Variants in MARCHF7 observed in about 807,000 individuals in gnomAD.
The protein encoded by MARCHF7 is E3 ubiquitin-protein ligase MARCHF7.
In MARCHF7, 20 loss-of-function variants were observed where a neutral mutation model predicts 76.5. That is an observed-to-expected ratio of 0.26 (90% CI 0.18 to 0.38). MARCHF7 has a LOEUF of 0.38. MARCHF7 is among the 10% of genes least tolerant of loss of function. The probability of loss-of-function intolerance (pLI) is 1.00; values close to 1 mark genes in which losing one functional copy is unlikely to be tolerated. For synonymous variants in MARCHF7, 295 were observed against 293.0 expected (o/e 1.01, Z -0.07); for missense variants, 797 against 812.9 (o/e 0.98, Z 0.24).
chr2:159,734,048 T>C, intron 4 of MARCHF7: 1 of 1,359,370 alleles, frequency 7.4e-7, no homozygotes, highest in Non-Finnish European at 9.6e-7. Context: ...ATTTGAATGA[T>C]TGGCAACTAT....
rs1704775627 is a variant in MARCHF7 at position 159,745,683 on chromosome 2, C to G, written c.347-87C>G. On this transcript the variant is annotated intron_variant, in intron 5 of 11. Coordinates refer to ENST00000409175, the MANE Select transcript of MARCHF7 (RefSeq NM_001282805.2). ...ATAATAATAATAATAATAAATAACA[C>G]TAACTTTCCTCTCTATTACTGAAGA... The G allele has an allele frequency of 7.1e-6, 6 of 843,418 alleles. 1 individual carries two copies. In the South Asian group the frequency reaches 9.7e-5, roughly 14 times the overall value. The allele number at this position is 843,418 out of a possible 1,614,324, so 52.2% of individuals were successfully genotyped here. A position where few individuals can be genotyped will look rare whatever the true frequency, so the allele number is the denominator to read the frequency against.
chr2:159,718,148 T>C (rs1338582512), intron 3 of MARCHF7, among the ~76,000 whole-genome samples: 1 of 152,164 alleles, frequency 6.6e-6, no homozygotes, highest in African/African-American at 2.4e-5. Flanking sequence ...GTGAGAAAAT[T>C]AAGCATTAGA....
intron 9 of MARCHF7, among the ~76,000 whole-genome samples, chr2:159,760,161 G>A (rs2125703484): frequency 6.6e-6 from 1 of 152,142 alleles, no homozygotes; most frequent in African/African-American, 2.4e-5. Flanking sequence ...TTGTTTTATG[G>A]ATTTACTTAT....
chr2:159,750,675 CTTAA>C (rs1705531774), intron 7 of MARCHF7, among the ~76,000 whole-genome samples: 1 of 152,258 alleles, frequency 6.6e-6, no homozygotes, highest in Non-Finnish European at 1.5e-5. Flanking sequence ...CAGCCTGACT[CTTAA>C]TTTAGTCATC....
At chr2:159,731,687 G>C (rs1702811962) in intron 4 of MARCHF7, among the ~76,000 whole-genome samples, 2 of 151,704 alleles carry the variant, frequency 1.3e-5, no homozygotes, top group Admixed American at 1.3e-4. Flanking sequence ...CCTGGAGACG[G>C]AAGTTGCCAT....
intron 6 of MARCHF7, 63 bp from the exon 7 acceptor site, chr2:159,747,742 A>G: frequency 6.8e-7 from 1 of 1,478,624 alleles, no homozygotes; most frequent in East Asian, 2.3e-5. Context: ...ATTCAACATA[A>G]TAAATGCAAA....
intron 8 of MARCHF7, among the ~76,000 whole-genome samples, chr2:159,754,428 G>C (rs1706040932): frequency 6.6e-6 from 1 of 152,118 alleles, no homozygotes; most frequent in Non-Finnish European, 1.5e-5. Flanking sequence ...CTCTGGAATG[G>C]TGGGTTCCTA....
At chr2:159,751,923 C>G (rs1365791372) in intron 7 of MARCHF7, among the ~76,000 whole-genome samples, 1 of 152,010 alleles carries the variant, frequency 6.6e-6, no homozygotes, top group Non-Finnish European at 1.5e-5. Flanking sequence ...AATCTACAAG[C>G]CAGTATGTGT....
Position 159,767,356 on chromosome 2 carries a change from AGATG to A in MARCHF7, c.*19_*22del. On this transcript the variant is annotated 3_prime_UTR_variant, in exon 12 of 12. Coordinates refer to ENST00000409175, the MANE Select transcript of MARCHF7 (RefSeq NM_001282805.2). ...GATATTGCCTAACTTCATATAAGAC[AGATG>A]GATGATCTGTGAACATAAGTGTTTA... The A allele has an allele frequency of 6.3e-7, 1 of 1,590,728 alleles. No individual in the cohort carries two copies. The highest frequency in any genetic ancestry group is 8.6e-7 in the Non-Finnish European group (1 of 1,159,830).
At chr2:159,716,231 C>T (rs377050708) in intron 3 of MARCHF7, among the ~76,000 whole-genome samples, 11 of 150,488 alleles carry the variant, frequency 7.3e-5, no homozygotes, top group African/African-American at 2.7e-4. Flanking sequence ...ACTATGATTT[C>T]CCACTAAGGA....
At chr2:159,733,822 G>A (rs1265494688) in intron 4 of MARCHF7, 1 of 1,157,918 alleles carries the variant, frequency 8.6e-7, no homozygotes, top group East Asian at 3.8e-5. Flanking sequence ...AGAAATATAG[G>A]TGGTTTCTCT....
chr2:159,735,924 A>G (rs751292757), intron 4 of MARCHF7, among the ~76,000 whole-genome samples: 2 of 152,170 alleles, frequency 1.3e-5, no homozygotes, highest in Non-Finnish European at 2.9e-5. Context: ...GGCCAGGAGT[A>G]CAAGACCAGC....
intron 4 of MARCHF7, among the ~76,000 whole-genome samples, chr2:159,732,097 C>G (rs1702874044): frequency 1.3e-5 from 2 of 152,000 alleles, no homozygotes; most frequent in African/African-American, 2.4e-5. Context: ...GAGCGAGACT[C>G]TGTCTCAAAA....
intron 3 of MARCHF7, among the ~76,000 whole-genome samples, chr2:159,724,247 T>A (rs1701930835): frequency 1.3e-5 from 2 of 152,242 alleles, no homozygotes; most frequent in African/African-American, 4.8e-5. Flanking sequence ...CTGTTCTGAT[T>A]ACGTTCTCTT....
At chr2:159,751,986 A>G (rs1280282374) in intron 7 of MARCHF7, among the ~76,000 whole-genome samples, 1 of 152,184 alleles carries the variant, frequency 6.6e-6, no homozygotes, top group Non-Finnish European at 1.5e-5. Context: ...GGCAAAAGTG[A>G]TAAGTTTATC....
intron 8 of MARCHF7, 132 bp downstream of exon 8, chr2:159,752,703 A>C: frequency 1.2e-6 from 1 of 824,974 alleles, no homozygotes; most frequent in Non-Finnish European, 1.8e-6. Context: ...AAGTCTCAGC[A>C]GAAGCATTAA....
At chr2:159,734,134 G>A in intron 4 of MARCHF7, 2 of 1,188,126 alleles carry the variant, frequency 1.7e-6, no homozygotes, top group African/African-American at 1.5e-5. Context: ...TATAAATATT[G>A]TTAAAAAGGG....
At chr2:159,753,907 A>C (rs1367916923) in intron 8 of MARCHF7, among the ~76,000 whole-genome samples, 1 of 152,212 alleles carries the variant, frequency 6.6e-6, no homozygotes, top group Non-Finnish European at 1.5e-5. Context: ...AGGAGAAACA[A>C]CAATTAGGGA....
intron 8 of MARCHF7, 107 bp from the exon 9 acceptor site, chr2:159,759,119 T>A: frequency 1.5e-6 from 1 of 655,238 alleles, no homozygotes; most frequent in Non-Finnish European, 2.7e-6. Context: ...CTTTTCTTCT[T>A]CTTTCCTTTA....
Sources: gnomAD v4.1 joint callset for allele counts (sites outside exome capture counted in the v4.1 genomes callset) on GRCh38, gnomAD v4.1.1 for gene constraint, MANE v1.5 for transcripts, NCBI Gene and HGNC (gene_info 2026-07-23, HGNC 2026-07-21) for gene names.